ADGRB2: variants seen among roughly 807,000 people sequenced by gnomAD.
ADGRB2 encodes adhesion G protein-coupled receptor B2.
A neutral mutation model predicts 178.7 loss-of-function variants in ADGRB2; 47 were observed. The observed-to-expected ratio is 0.26, with a 90% confidence interval of 0.21 to 0.34. The LOEUF (loss-of-function observed/expected upper bound fraction) is 0.34. ADGRB2 is among the 10% of genes least tolerant of loss of function. The pLI, the probability that ADGRB2 is intolerant of heterozygous loss-of-function variation, is 1.00. For missense variants in ADGRB2, 1,584 were observed against 2,180.8 expected (o/e 0.73, Z 5.45); for synonymous variants, 870 against 912.4 (o/e 0.95, Z 0.84).
At chr1:31,738,093 G>A (rs1249979833) in intron 18 of ADGRB2, 107 bp downstream of exon 18, 1 of 1,479,728 alleles carries the variant, frequency 6.8e-7, no homozygotes, top group Non-Finnish European at 9.1e-7. Context: ...CGCACCTGCA[G>A]ATGCACATTC....
At chr1:31,750,635 C>T (rs893742755) in intron 4 of ADGRB2, among the ~76,000 whole-genome samples, 2 of 152,178 alleles carry the variant, frequency 1.3e-5, no homozygotes, top group African/African-American at 2.4e-5. Flanking sequence ...GGGCTCCCTG[C>T]TTCCTTCCTG....
Position 31,754,380 on chromosome 1 carries a change from G to A in ADGRB2, c.838+1619C>T, listed in dbSNP as rs925304344. 3.3e-5 allele frequency among the ~76,000 whole-genome samples: 5 copies of A among 152,254 alleles called. No individual in the cohort carries two copies. Among genetic ancestry groups the A allele is most frequent in the African/African-American group, 9.6e-5 (4 of 41,474 alleles). On this transcript the variant is annotated intron_variant, in intron 4 of 32. Coordinates refer to ENST00000373658, the MANE Select transcript of ADGRB2 (RefSeq NM_001364857.2). This position sits in a 1 kb window ranked among gnomAD's most constrained non-coding sequence, Gnocchi z 5.7. ...CAGGGAAAGCCAGACAAAAGAACCC[G>A]CCTGCAGCTGAGCACGATGGGGGAG...
chr1:31,751,260 G>A (rs185092943), intron 4 of ADGRB2, among the ~76,000 whole-genome samples: 63 of 152,310 alleles, frequency 4.1e-4, no homozygotes, highest in African/African-American at 1.1e-3. Context: ...AGCATGGGGC[G>A]GAAGATGACT....
rs1570105831 is a variant in ADGRB2 at position 31,761,075 on chromosome 1, C to T, written c.-191+2809G>A. The T allele has an allele frequency of 6.6e-6, 1 of 152,270 alleles. No homozygotes were observed. Among genetic ancestry groups the T allele is most frequent in the Non-Finnish European group, 1.5e-5 (1 of 68,102 alleles). The allele number at this position is 152,270 out of a possible 1,614,324, so 9.4% of individuals were successfully genotyped here. A position where few individuals can be genotyped will look rare whatever the true frequency, so the allele number is the denominator to read the frequency against. On this transcript the variant is annotated intron_variant, in intron 1 of 32. Transcript: ENST00000373658. The surrounding 1 kb of genome is among the most constrained non-coding windows in gnomAD (Gnocchi z 4.2). ...GGCGGTGACTCAGCCGCCCTCCGCCCGCCTCCCCGGAACTTTGCAGCAGCT... is the reference window on the plus strand; with the variant it reads ...GGCGGTGACTCAGCCGCCCTCCGCCTGCCTCCCCGGAACTTTGCAGCAGCT...
At position 31,733,990 on chromosome 1, in the gene ADGRB2, G is replaced by A. The variant is rs1312953854; in HGVS notation, c.3453-847C>T. Among the ~76,000 whole-genome samples the A allele has an allele frequency of 6.6e-6, 1 of 152,222 alleles. No homozygotes were observed. ...ACCCCCAGTGGGAGAGTCAGGCACA[G>A]CTCTAGGCATGGCAGAGGGTGGCAC... On this transcript the variant is annotated intron_variant, in intron 25 of 32. Coordinates refer to ENST00000373658, the MANE Select transcript of ADGRB2 (RefSeq NM_001364857.2). The surrounding 1 kb of genome is among the most constrained non-coding windows in gnomAD (Gnocchi z 4.3).
At chr1:31,762,096 C>A (rs1417917250) in intron 1 of ADGRB2, among the ~76,000 whole-genome samples, 1 of 152,134 alleles carries the variant, frequency 6.6e-6, no homozygotes, top group Non-Finnish European at 1.5e-5. Context: ...GGGCAGATAC[C>A]AGATGGAACC....
chr1:31,741,678 T>C lies in ADGRB2; in HGVS notation c.1633A>G (p.Lys545Glu). The change falls in exon 10 of 33, where the codon AAG becomes GAG. Residue 545 changes from lysine to glutamate, a missense_variant. Physicochemically the swap from Lys to Glu is moderately conservative, Grantham distance 56. Transcript: ENST00000373658. The surrounding 1 kb of genome is among the most constrained non-coding windows in gnomAD (Gnocchi z 6.5). ...RDEYVMLMTW[K>E]KAAAGEIIYN... Reference sequence around the variant, plus strand: ...ATGATCTCGCCAGCAGCTGCCTTCTTCCACGTCATCAGCATCACGTACTCA... The same window carrying C: ...ATGATCTCGCCAGCAGCTGCCTTCTCCCACGTCATCAGCATCACGTACTCA... 1 of 1,614,048 alleles carries C rather than the reference T, an allele frequency of 6.2e-7. No homozygotes were observed.
rs1393267444 is a variant in ADGRB2, at chr1:31,730,839, G to A, written c.4341C>T (p.Arg1447=). Residue 1447 remains arginine, a synonymous_variant, in exon 29 of 33, where the codon CGC becomes CGT. Transcript: ENST00000373658. ...TCTTCATGGTAGAGCCGGGCACGGT[G>A]CGAGGCATGGTCCGGCTGCGCTCCC... ...EPGERSRTMP[R]TVPGSTMKMG... 1.3e-6 allele frequency: 2 copies of A among 1,526,722 alleles called. No homozygotes were observed. The highest frequency in any genetic ancestry group is 4.5e-5 in the East Asian group (2 of 44,052). 94.6% of individuals were successfully genotyped at this position (1,526,722 alleles called of 1,614,324 possible). A position where few individuals can be genotyped will look rare whatever the true frequency, so the allele number is the denominator to read the frequency against.
rs759465392 is a variant in ADGRB2, at chr1:31,730,954, C to G, written c.4226G>C (p.Gly1409Ala). 7 of 1,568,602 alleles carry G rather than the reference C, an allele frequency of 4.5e-6. No homozygotes were observed. The highest frequency in any genetic ancestry group is 1.7e-4 in the Middle Eastern group (1 of 5,864). The part of the protein sequence containing the change: ...LSVDHSGLGL[G>A]PAYGSLQNPY... ...ATTCTGGAGAGATCCATAGGCAGGGCCCAGCCCCAGGCCCGAGTGGTCCAC... is the reference window on the plus strand; with the variant it reads ...ATTCTGGAGAGATCCATAGGCAGGGGCCAGCCCCAGGCCCGAGTGGTCCAC... Residue 1409 changes from glycine to alanine, a missense_variant, in exon 29 of 33, where the codon GGC becomes GCC. Physicochemically the swap from Gly to Ala is moderately conservative, Grantham distance 60 (BLOSUM62 0). This residue lies in a region of ADGRB2 where 865 missense variants were observed against 1,192.8 expected (regional missense o/e 0.73). Transcript: ENST00000373658.
At position 31,730,821 on chromosome 1, in the gene ADGRB2, G is replaced by T. The variant is rs757909842; in HGVS notation, c.4359C>A (p.Thr1453=). 1.3e-6 allele frequency: 2 copies of T among 1,506,860 alleles called. No individual in the cohort carries two copies. The highest frequency in any genetic ancestry group is 2.3e-5 in the Admixed American group (1 of 43,658). 93.3% of individuals were successfully genotyped at this position (1,506,860 alleles called of 1,614,324 possible). The change falls in exon 29 of 33, where the codon ACC becomes ACA. Residue 1453 remains threonine, a synonymous_variant. Transcript: ENST00000373658. ...TCACCTCCAGGGAGCCCATCTTCATGGTAGAGCCGGGCACGGTGCGAGGCA... is the reference window on the plus strand; with the variant it reads ...TCACCTCCAGGGAGCCCATCTTCATTGTAGAGCCGGGCACGGTGCGAGGCA... ...RTMPRTVPGS[T]MKMGSLERKK...
chr1:31,727,692 G>A lies in ADGRB2; in HGVS notation c.4573-87C>T, dbSNP rs1645055047. Reference sequence around the variant, plus strand: ...ATCAAACTGAGGAGTCCCAGAGAGGGCTGGTAATGCCCAAAGTTATGGAGC... The same window carrying A: ...ATCAAACTGAGGAGTCCCAGAGAGGACTGGTAATGCCCAAAGTTATGGAGC... On this transcript the variant is annotated intron_variant, in intron 32 of 32. Coordinates refer to ENST00000373658, the MANE Select transcript of ADGRB2 (RefSeq NM_001364857.2). This position sits in a 1 kb window ranked among gnomAD's most constrained non-coding sequence, Gnocchi z 4.4. 8 of 1,330,190 alleles carry A rather than the reference G, an allele frequency of 6.0e-6. No homozygotes were observed. Among genetic ancestry groups the A allele is most frequent in the Non-Finnish European group, 7.9e-6 (8 of 1,009,064 alleles). 82.4% of individuals were successfully genotyped at this position (1,330,190 alleles called of 1,614,324 possible).
chr1:31,762,553 C>T (rs1470534825), intron 1 of ADGRB2, among the ~76,000 whole-genome samples: 1 of 152,222 alleles, frequency 6.6e-6, no homozygotes, highest in African/African-American at 2.4e-5. Flanking sequence ...TCCTGCTGGT[C>T]TGTACGTGAA....
chr1:31,734,703 C>A (rs1342266035), intron 25 of ADGRB2, among the ~76,000 whole-genome samples: 1 of 152,172 alleles, frequency 6.6e-6, no homozygotes, highest in Admixed American at 6.5e-5. Flanking sequence ...TCTCTGTCTC[C>A]AATTGAGTGT....
At chr1:31,745,224 G>A (rs1215881493) in intron 4 of ADGRB2, among the ~76,000 whole-genome samples, 1 of 152,190 alleles carries the variant, frequency 6.6e-6, no homozygotes, top group Non-Finnish European at 1.5e-5. Flanking sequence ...TCCAAGCTGA[G>A]CTGCTGCAAC....
chr1:31,764,232 G>A lies in ADGRB2; in HGVS notation c.-539C>T, dbSNP rs930031314. The stretch of plus-strand genomic sequence containing the variant: ...GGCGGCGGCCGCAGCCCCGGGCTCT[G>A]AGAGCCGGTGCCGCATCCTCTTCGG... On this transcript the variant is annotated 5_prime_UTR_variant, in exon 1 of 33. Coordinates refer to ENST00000373658, the MANE Select transcript of ADGRB2 (RefSeq NM_001364857.2). This position sits in a 1 kb window ranked among gnomAD's most constrained non-coding sequence, Gnocchi z 7.3. 3.7e-5 allele frequency: 7 copies of A among 187,970 alleles called. No individual in the cohort carries two copies. Among genetic ancestry groups the A allele is most frequent in the Admixed American group, 6.8e-5 (1 of 14,604 alleles). The allele number at this position is 187,970 out of a possible 1,614,324, so 11.6% of individuals were successfully genotyped here. A position where few individuals can be genotyped will look rare whatever the true frequency, so the allele number is the denominator to read the frequency against.
At chr1:31,747,301 A>C (rs1231622942) in intron 4 of ADGRB2, among the ~76,000 whole-genome samples, 2 of 151,924 alleles carry the variant, frequency 1.3e-5, no homozygotes, top group East Asian at 3.9e-4. Flanking sequence ...ACCAGGCTTA[A>C]TTAACCCCCT....
In ADGRB2 at chr1:31,735,025, C is replaced by T. The variant is rs1294441974; in HGVS notation, c.3452+158G>A. On this transcript the variant is annotated intron_variant, in intron 25 of 32. Coordinates refer to ENST00000373658, the MANE Select transcript of ADGRB2 (RefSeq NM_001364857.2). The surrounding 1 kb of genome is among the most constrained non-coding windows in gnomAD (Gnocchi z 6.0). ...CCACTCCTCATCGCCTTGGCCACCT[C>T]TTGCCGAGCCCTTGAGAGTGTGTGG... 6.6e-6 allele frequency among the ~76,000 whole-genome samples: 1 copy of T among 152,182 alleles called. No individual in the cohort carries two copies. Among genetic ancestry groups the T allele is most frequent in the African/African-American group, 2.4e-5 (1 of 41,440 alleles).
At position 31,735,893 on chromosome 1, in the gene ADGRB2, GC is replaced by G; in HGVS notation, c.3201-1del. The stretch of plus-strand genomic sequence containing the variant: ...GGCCGCCCTCCAGGGAGAGCCAGCA[GC>G]TGGGGTGGGGGAGAAGAAGGGTGTC... On this transcript the variant is annotated splice_acceptor_variant, in intron 22 of 32. Transcript: ENST00000373658. LOFTEE classifies it high-confidence loss of function. The surrounding 1 kb of genome is among the most constrained non-coding windows in gnomAD (Gnocchi z 6.0). The G allele has an allele frequency of 6.3e-7, 1 of 1,589,856 alleles. No individual in the cohort carries two copies. Among genetic ancestry groups the G allele is most frequent in the Non-Finnish European group, 8.6e-7 (1 of 1,167,960 alleles).
In ADGRB2 at chr1:31,731,121, C is replaced by A; in HGVS notation, c.4059G>T (p.Val1353=). ...GCAGGCTCAAAGTCCGCCGGGGCAG[C>A]ACCATGTAGTCTCCCTCAGAGCCTG... ...TEPGSEGDYM[V]LPRRTLSLQP... is the part of the protein sequence containing the mutation. Residue 1353 remains valine (V), a synonymous_variant, in exon 29 of 33, where the codon GTG becomes GTT. Coordinates refer to ENST00000373658, the MANE Select transcript of ADGRB2 (RefSeq NM_001364857.2). 6.3e-7 allele frequency: 1 copy of A among 1,587,196 alleles called. No individual in the cohort carries two copies. Among genetic ancestry groups the A allele is most frequent in the East Asian group, 2.3e-5 (1 of 42,968 alleles).
Sources: gnomAD v4.1 joint callset for allele counts (sites outside exome capture counted in the v4.1 genomes callset) on GRCh38, gnomAD v4.1.1 for gene constraint, gnomAD v4.1.1 regional missense constraint, Gnocchi (gnomAD v3.1) non-coding constraint, MANE v1.5 for transcripts, NCBI Gene and HGNC (gene_info 2026-07-23, HGNC 2026-07-21) for gene names.